Variants in CDYL observed in about 807,000 individuals in gnomAD.
The protein encoded by CDYL is chromodomain Y like.
In CDYL, 8 loss-of-function variants were observed where a neutral mutation model predicts 47.3. That is an observed-to-expected ratio of 0.17 (90% CI 0.10 to 0.31). CDYL has a LOEUF of 0.31. Ranked by LOEUF, CDYL falls within the 10% of genes least tolerant of loss-of-function variation. The pLI is 1.00. For missense variants in CDYL, 471 were observed against 701.4 expected (o/e 0.67, Z 3.71); for synonymous variants, 266 against 265.0 (o/e 1.00, Z -0.04).
upstream of CDYL, among the ~76,000 whole-genome samples, chr6:4,775,889 G>A (rs895108696): frequency 2.0e-5 from 3 of 150,564 alleles, no homozygotes; most frequent in Non-Finnish European, 3.0e-5. This position sits in a 1 kb window ranked among gnomAD's most constrained non-coding sequence, Gnocchi z 7.0. Flanking sequence ...CTGGAGGGAG[G>A]CGCGCGGTAG....
At chr6:4,899,888 A>C (rs149240030) in intron 2 of CDYL, among the ~76,000 whole-genome samples, 4 of 152,296 alleles carry the variant, frequency 2.6e-5, no homozygotes, top group Non-Finnish European at 5.9e-5. Flanking sequence ...TGGATAGGGA[A>C]CCAAGGTTTC....
At chr6:4,817,532 G>T (rs1759709454) in intron 1 of CDYL, among the ~76,000 whole-genome samples, 1 of 152,078 alleles carries the variant, frequency 6.6e-6, no homozygotes, top group Non-Finnish European at 1.5e-5. Flanking sequence ...CTTTTAATTT[G>T]CATTTCTTAG....
chr6:4,728,150 G>A (rs1757546873), intron 2 of CDYL, among the ~76,000 whole-genome samples: 1 of 152,050 alleles, frequency 6.6e-6, no homozygotes. Flanking sequence ...TTATCACTCC[G>A]CTCCCATGAA....
intron 3 of CDYL, among the ~76,000 whole-genome samples, chr6:4,756,584 G>T (rs1036363395): frequency 6.8e-6 from 1 of 147,366 alleles, no homozygotes; most frequent in Non-Finnish European, 1.5e-5. Flanking sequence ...GTGTGTATGT[G>T]TGTGTGTGTG....
chr6:4,891,114 A>C lies in CDYL; in HGVS notation c.25-599A>C, dbSNP rs1581239192. ...ATCTCCATTGAAAGATGTTAGTGTA[A>C]AATTAATTAAAACCAAGATTTGAAA... On this transcript the variant is annotated intron_variant, in intron 1 of 6. Transcript: ENST00000397588. 2.0e-5 allele frequency among the ~76,000 whole-genome samples: 3 copies of C among 152,372 alleles called. No homozygotes were observed. In the South Asian group the frequency reaches 6.2e-4, roughly 32 times the overall value.
chr6:4,917,135 ATTCC>A (rs1360502436), intron 2 of CDYL, among the ~76,000 whole-genome samples: 1 of 152,136 alleles, frequency 6.6e-6, no homozygotes, highest in Non-Finnish European at 1.5e-5. Context: ...TTTCATGGTT[ATTCC>A]TTCCTTATGG....
intron 2 of CDYL, 131 bp from the exon 3 acceptor site, chr6:4,935,384 A>G: frequency 1.2e-6 from 1 of 807,034 alleles, no homozygotes; most frequent in Non-Finnish European, 1.9e-6. Context: ...TAAAGGTTCT[A>G]AGTTTTAATA....
intron 2 of CDYL, among the ~76,000 whole-genome samples, chr6:4,903,084 A>G (rs542440028): frequency 1.3e-5 from 2 of 152,186 alleles, no homozygotes; most frequent in Admixed American, 6.5e-5. Context: ...TTCCGTTATT[A>G]GTGTTTGTCT....
intron 3 of CDYL, among the ~76,000 whole-genome samples, chr6:4,754,661 G>A (rs569987516): frequency 6.6e-6 from 1 of 152,270 alleles, no homozygotes; most frequent in East Asian, 1.9e-4. Context: ...AATGCCATTA[G>A]ATTATCTTTA....
intron 1 of CDYL, among the ~76,000 whole-genome samples, chr6:4,780,278 G>A: frequency 6.8e-6 from 1 of 147,438 alleles, no homozygotes; most frequent in Admixed American, 6.8e-5. Context: ...CTCCCAGGCT[G>A]ATGTGCAGTG....
intron 1 of CDYL, among the ~76,000 whole-genome samples, chr6:4,787,842 G>A (rs1312923525): frequency 7.5e-6 from 1 of 133,314 alleles, no homozygotes; most frequent in African/African-American, 2.9e-5. Flanking sequence ...GCACGATCTC[G>A]GCTCACTGCA....
intron 3 of CDYL, among the ~76,000 whole-genome samples, chr6:4,761,086 AAC>A (rs1482871817): frequency 1.3e-5 from 2 of 152,204 alleles, no homozygotes; most frequent in East Asian, 3.8e-4. Context: ...TGTTCAAAGT[AAC>A]TGTGGCAAAA....
chr6:4,858,123 G>C (rs74445835), intron 1 of CDYL, among the ~76,000 whole-genome samples: 2 of 151,666 alleles, frequency 1.3e-5, no homozygotes, highest in Admixed American at 1.3e-4. Context: ...AGTTCAACTA[G>C]GAGCCTTGTT....
At chr6:4,906,958 G>A (rs1228326143) in intron 2 of CDYL, among the ~76,000 whole-genome samples, 2 of 152,156 alleles carry the variant, frequency 1.3e-5, no homozygotes, top group African/African-American at 4.8e-5. Flanking sequence ...AATGTATATT[G>A]TGCAGTCTAA....
At chr6:4,766,953 G>T (rs972695993) in intron 3 of CDYL, among the ~76,000 whole-genome samples, 6 of 151,998 alleles carry the variant, frequency 3.9e-5, no homozygotes, top group Non-Finnish European at 5.9e-5. Context: ...CAGTACACAA[G>T]ATCTTACCAC....
chr6:4,915,950 G>GCTTAA (rs1019989044), intron 2 of CDYL, among the ~76,000 whole-genome samples: 11 of 152,198 alleles, frequency 7.2e-5, no homozygotes, highest in African/African-American at 9.7e-5. Context: ...TTCAGATAGG[G>GCTTAA]CTTACTCTTG....
intron 2 of CDYL, among the ~76,000 whole-genome samples, chr6:4,717,088 A>G (rs1757278812): frequency 6.6e-6 from 1 of 152,164 alleles, no homozygotes; most frequent in Admixed American, 6.5e-5. Context: ...GACCACAATC[A>G]GGAAGAAAAG....
At chr6:4,939,899 CG>C (rs1758312931) in intron 4 of CDYL, among the ~76,000 whole-genome samples, 1 of 152,164 alleles carries the variant, frequency 6.6e-6, no homozygotes, top group Admixed American at 6.5e-5. Context: ...ATAAGAAAAT[CG>C]GATGTGTCAG....
At chr6:4,857,377 A>G (rs808613) in intron 1 of CDYL, among the ~76,000 whole-genome samples, 3,425 of 152,322 alleles carry the variant, frequency 0.022, 128 homozygotes, top group African/African-American at 0.078. Context: ...ACGAGAGTAA[A>G]CATCGAATTT....
Sources: gnomAD v4.1 joint callset for allele counts (sites outside exome capture counted in the v4.1 genomes callset) on GRCh38, gnomAD v4.1.1 for gene constraint, Gnocchi (gnomAD v3.1) non-coding constraint, MANE v1.5 for transcripts, NCBI Gene and HGNC (gene_info 2026-07-23, HGNC 2026-07-21) for gene names.